Variants in BEND3 observed in about 807,000 individuals in gnomAD.
BEND3 encodes the protein BEN domain-containing protein 3.
In BEND3, 13 loss-of-function variants were observed where a neutral mutation model predicts 60.1. The observed-to-expected ratio is 0.22, with a 90% CI of 0.14 to 0.34. The LOEUF (loss-of-function observed/expected upper bound fraction) is 0.34. Ranked by LOEUF, BEND3 falls within the 10% of genes least tolerant of loss-of-function variation. The probability of loss-of-function intolerance (pLI) is 1.00; values close to 1 mark genes in which losing one functional copy is unlikely to be tolerated. For synonymous variants in BEND3, 497 were observed against 491.5 expected, an observed-to-expected ratio of 1.01 and a Z score of -0.15; for missense variants, 896 against 1,138.1, an observed-to-expected ratio of 0.79 and a Z score of 3.06.
intron 1 of BEND3, among the ~76,000 whole-genome samples, chr6:107,101,868 T>C (rs939715714): frequency 1.2e-4 from 19 of 152,218 alleles, no homozygotes; most frequent in Admixed American, 8.5e-4. Context: ...GAAACTGCCA[T>C]GGTCACATAA....
At position 107,069,117 on chromosome 6, in the gene BEND3, CG is replaced by C; in HGVS notation, c.2073del (p.Glu692ArgfsTer141). On this transcript the variant is annotated frameshift_variant, in exon 4 of 4. Coordinates refer to ENST00000369042, the MANE Select transcript of BEND3 (RefSeq NM_001367314.1). LOFTEE classifies it high-confidence loss of function. The stretch of plus-strand genomic sequence containing the variant: ...TTGCAAAAGTCCTTGCTGCTCCTCT[CG>C]GGGGGCAGTGGGGGCCCCTCAAACT... ...REEFEGPPLP[P>X]ERSSKDFCKI... The C allele has an allele frequency of 6.2e-7, 1 of 1,612,730 alleles. No homozygotes were observed. Among genetic ancestry groups the C allele is most frequent in the Non-Finnish European group, 8.5e-7 (1 of 1,179,952 alleles).
At chr6:107,083,091 A>G (rs553199462) in intron 3 of BEND3, among the ~76,000 whole-genome samples, 1 of 152,280 alleles carries the variant, frequency 6.6e-6, no homozygotes, top group East Asian at 1.9e-4. Context: ...CTAAATATCA[A>G]TCACAAAGGA....
At chr6:107,103,026 A>G (rs1775733226) in intron 1 of BEND3, among the ~76,000 whole-genome samples, 1 of 152,194 alleles carries the variant, frequency 6.6e-6, no homozygotes, top group Non-Finnish European at 1.5e-5. Context: ...CTGATGAACC[A>G]TGGGCCTGTT....
intron 3 of BEND3, among the ~76,000 whole-genome samples, chr6:107,090,590 G>A (rs62429997): frequency 0.17 from 25,669 of 152,000 alleles, 2,814 homozygotes; most frequent in Middle Eastern, 0.26. Context: ...GTGTGCACGC[G>A]CGTGTGCACG....
At chr6:107,084,752 A>T (rs188394812) in intron 3 of BEND3, among the ~76,000 whole-genome samples, 15 of 152,324 alleles carry the variant, frequency 9.8e-5, no homozygotes, top group Middle Eastern at 3.4e-3. Context: ...CGCATCAATC[A>T]GCGCTCTGTA....
In BEND3 at chr6:107,068,896, C is replaced by G; in HGVS notation, c.2295G>C (p.Gly765=). The stretch of plus-strand genomic sequence containing the variant: ...GGTCCAGTTGCTTCTTGTTGCAAGC[C>G]CCGGAATGGTTGTACTGCAGCCGGA... ...ENLRLQYNHS[G]ACNKKQLDPT... Residue 765 remains glycine (G), a synonymous_variant, in exon 4 of 4, where the codon GGG becomes GGC. Coordinates refer to ENST00000369042, the MANE Select transcript of BEND3 (RefSeq NM_001367314.1). The surrounding 1 kb of genome is among the most constrained non-coding windows in gnomAD (Gnocchi z 5.8). 1 of 1,613,738 alleles carries G rather than the reference C, an allele frequency of 6.2e-7. No homozygotes were observed. Among genetic ancestry groups the G allele is most frequent in the Middle Eastern group, 1.7e-4 (1 of 6,056 alleles).
intron 1 of BEND3, among the ~76,000 whole-genome samples, chr6:107,108,067 T>C (rs1775858495): frequency 6.6e-6 from 1 of 152,224 alleles, no homozygotes; most frequent in African/African-American, 2.4e-5. Flanking sequence ...TTTTTATTTT[T>C]AGGCACATCT....
At chr6:107,114,750 G>A (rs180818223) in intron 1 of BEND3, among the ~76,000 whole-genome samples, 55,127 of 145,390 alleles carry the variant, frequency 0.38, 12,457 homozygotes, top group Middle Eastern at 0.67. Context: ...CGGCGGCGGC[G>A]GCGCGGACGG....
chr6:107,107,872 G>A (rs915498022), intron 1 of BEND3, among the ~76,000 whole-genome samples: 1 of 152,192 alleles, frequency 6.6e-6, no homozygotes, highest in Admixed American at 6.5e-5. Flanking sequence ...GAAACTGGAG[G>A]GAGGGGGATG....
In BEND3 at chr6:107,070,834, G is replaced by C. The variant is rs1774962779; in HGVS notation, c.357C>G (p.Cys119Trp). Residue 119 changes from cysteine (C) to tryptophan (W), a missense_variant, in exon 4 of 4, where the codon TGC becomes TGG. By Grantham distance (215) the Cys-to-Trp change is radical (BLOSUM62 -2). Transcript: ENST00000369042. This position sits in a 1 kb window ranked among gnomAD's most constrained non-coding sequence, Gnocchi z 6.9. ...TGTAGGAAGGGGTGGTGGCATCGTT[G>C]CAGGGCTCCTCCTCTCCAGGCCACA... ...GNVWPGEEEP[C>W]NDATTPSYKK... is the part of the protein sequence containing the mutation. 4 of 1,613,954 alleles carry C rather than the reference G, an allele frequency of 2.5e-6. No individual in the cohort carries two copies. The East Asian group carries it at 8.9e-5, about 36-fold the overall frequency.
At chr6:107,107,345 A>G (rs1297251556) in intron 1 of BEND3, among the ~76,000 whole-genome samples, 1 of 151,426 alleles carries the variant, frequency 6.6e-6, no homozygotes, top group Non-Finnish European at 1.5e-5. Context: ...CATCTACCTC[A>G]CCTCAAAAAG....
intron 3 of BEND3, among the ~76,000 whole-genome samples, chr6:107,081,616 T>G (rs1338989461): frequency 6.6e-6 from 1 of 152,160 alleles, no homozygotes; most frequent in African/African-American, 2.4e-5. Flanking sequence ...TAAATACACG[T>G]GACCATTTTT....
At chr6:107,071,395 C>T (rs1554232063) in intron 3 of BEND3, among the ~76,000 whole-genome samples, 1 of 146,182 alleles carries the variant, frequency 6.8e-6, no homozygotes, top group East Asian at 2.0e-4. Context: ...ACAGAGATTC[C>T]TACCTATGGT....
chr6:107,069,697 G>A lies in BEND3; in HGVS notation c.1494C>T (p.Cys498=). ...GSEGDPPRDD[C]YDSSSLPDDI... The stretch of plus-strand genomic sequence containing the variant: ...CGTCGGGCAGACTGGAGGAGTCGTA[G>A]CAGTCATCACGCGGGGGGTCGCCTT... Residue 498 remains cysteine, a synonymous_variant, in exon 4 of 4, where the codon TGC becomes TGT. Coordinates refer to ENST00000369042, the MANE Select transcript of BEND3 (RefSeq NM_001367314.1). 6.2e-7 allele frequency: 1 copy of A among 1,610,130 alleles called. No individual in the cohort carries two copies. Among genetic ancestry groups the A allele is most frequent in the African/African-American group, 1.3e-5 (1 of 75,042 alleles).
chr6:107,085,930 G>T (rs1775337405), intron 3 of BEND3, among the ~76,000 whole-genome samples: 2 of 151,754 alleles, frequency 1.3e-5, no homozygotes, highest in Non-Finnish European at 2.9e-5. Flanking sequence ...GGGACTACAG[G>T]TGTCCACCAC....
intron 3 of BEND3, among the ~76,000 whole-genome samples, chr6:107,074,182 G>A (rs181596245): frequency 2.1e-4 from 32 of 152,326 alleles, no homozygotes; most frequent in African/African-American, 6.5e-4. Context: ...TTGGGAGGCC[G>A]AGGCGGGTGG....
chr6:107,085,753 A>T (rs1184876303), intron 3 of BEND3, among the ~76,000 whole-genome samples: 14 of 136,332 alleles, frequency 1.0e-4, no homozygotes, highest in East Asian at 4.5e-4. Context: ...AGCCTCCCAA[A>T]GTGCTGGGAT....
intron 3 of BEND3, among the ~76,000 whole-genome samples, chr6:107,080,329 T>C (rs1775199001): frequency 8.4e-6 from 1 of 119,618 alleles, no homozygotes; most frequent in African/African-American, 3.4e-5. Context: ...CACTCCAGCC[T>C]GAGCCACAGA....
rs1243141825 is a variant in BEND3 at position 107,065,735 on chromosome 6, T to C, written c.*2969A>G. The C allele has an allele frequency of 6.6e-6, 1 of 152,184 alleles. No individual in the cohort carries two copies. Among genetic ancestry groups the C allele is most frequent in the African/African-American group, 2.4e-5 (1 of 41,450 alleles). 9.4% of individuals were successfully genotyped at this position (152,184 alleles called of 1,614,324 possible). On this transcript the variant is annotated 3_prime_UTR_variant, in exon 4 of 4. Coordinates refer to ENST00000369042, the MANE Select transcript of BEND3 (RefSeq NM_001367314.1). ...TTTTACCAATTAAATAGCCAATCTA[T>C]TCACCACTAAGTAGATCCCATTGGT...
Sources: gnomAD v4.1 joint callset for allele counts (sites outside exome capture counted in the v4.1 genomes callset) on GRCh38, gnomAD v4.1.1 for gene constraint, Gnocchi (gnomAD v3.1) non-coding constraint, MANE v1.5 for transcripts, NCBI Gene and HGNC (gene_info 2026-07-23, HGNC 2026-07-21) for gene names.